Variants in PGAP1 observed in about 807,000 individuals in gnomAD.
The protein encoded by PGAP1 is GPI inositol-deacylase.
PGAP1 carries 76 observed loss-of-function variants against 127.0 expected under a neutral mutation model. The observed-to-expected ratio is 0.60, with a 90% CI of 0.50 to 0.72. The LOEUF is 0.72. PGAP1 is among the 30% of genes least tolerant of loss of function. The pLI is 0.00. For missense variants in PGAP1, 982 were observed against 1,071.3 expected, an observed-to-expected ratio of 0.92 and a Z score of 1.16; for synonymous variants, 362 against 366.5, an observed-to-expected ratio of 0.99 and a Z score of 0.14.
chr2:196,926,620 G>A lies in PGAP1; in HGVS notation c.-4C>T, dbSNP rs1703371437. On this transcript the variant is annotated 5_prime_UTR_variant, in exon 1 of 27. Transcript: ENST00000354764. ...GATTAACTGAGTGAAGAAACATGGT[G>A]CCGCCACCACCGCCGCCGCCGCCGC... The A allele has an allele frequency of 6.2e-7, 1 of 1,613,746 alleles. No individual in the cohort carries two copies. The highest frequency in any genetic ancestry group is 1.3e-5 in the African/African-American group (1 of 74,932).
At position 196,913,031 on chromosome 2, in the gene PGAP1, C is replaced by G; in HGVS notation, c.500G>C (p.Ser167Thr). The G allele has an allele frequency of 6.2e-7, 1 of 1,608,930 alleles. No individual in the cohort carries two copies. Among genetic ancestry groups the G allele is most frequent in the Non-Finnish European group, 8.5e-7 (1 of 1,177,820 alleles). The stretch of plus-strand genomic sequence containing the variant: ...CATAGAATGACCAATTATTGCCACA[C>G]TTTTTGGAGCAAATTCTTGACCCTA... ...LYKGQEFAPK[S>T]VAIIGHSMGG... The change falls in exon 4 of 27, where the codon AGT (serine) becomes ACT (threonine). Residue 167 changes from serine to threonine, a missense_variant. Transcript: ENST00000354764.
At chr2:196,896,826 C>CT (rs1449422304) in intron 7 of PGAP1, among the ~76,000 whole-genome samples, 5 of 79,898 alleles carry the variant, frequency 6.3e-5, no homozygotes, top group African/African-American at 2.5e-4. Flanking sequence ...GAGACTCCAT[C>CT]TTAAAAAAAA....
At chr2:196,886,438 G>C (rs956477994) in intron 10 of PGAP1, among the ~76,000 whole-genome samples, 1 of 151,842 alleles carries the variant, frequency 6.6e-6, no homozygotes, top group Admixed American at 6.6e-5. Context: ...TGGGATTATA[G>C]GTGTGAGCCA....
chr2:196,926,444 C>G lies in PGAP1; in HGVS notation c.147+26G>C. ...CCAGGGGCCAGAGTCTTGGAGCGCC[C>G]GGCTGAGGAGAGGGCAGAACCTTAC... On this transcript the variant is annotated intron_variant, in intron 1 of 26. Coordinates refer to ENST00000354764, the MANE Select transcript of PGAP1 (RefSeq NM_024989.4). 1.9e-6 allele frequency: 3 copies of G among 1,613,358 alleles called. No individual in the cohort carries two copies. The South Asian group carries it at 3.3e-5, about 18-fold the overall frequency.
At chr2:196,919,958 A>C in intron 2 of PGAP1, 39 bp downstream of exon 2, 1 of 1,576,994 alleles carries the variant, frequency 6.3e-7, no homozygotes, top group South Asian at 1.2e-5. Flanking sequence ...CTTGAGTTGA[A>C]TTTTATAGCT....
At chr2:196,899,860 C>G (rs1046808518) in intron 5 of PGAP1, among the ~76,000 whole-genome samples, 1 of 152,092 alleles carries the variant, frequency 6.6e-6, no homozygotes, top group Non-Finnish European at 1.5e-5. Context: ...ATGGTGAAAC[C>G]GCATCTCTAC....
At chr2:196,863,836 C>A (rs896012709) in intron 20 of PGAP1, among the ~76,000 whole-genome samples, 1 of 152,004 alleles carries the variant, frequency 6.6e-6, no homozygotes, top group Admixed American at 6.5e-5. Flanking sequence ...GCCTCGGCCT[C>A]CCAAAGTGCT....
In PGAP1 at chr2:196,834,010, AATT is replaced by A. The variant is rs1303447254; in HGVS notation, c.*7221_*7223del. 3.3e-5 allele frequency: 5 copies of A among 152,060 alleles called. No homozygotes were observed. Among genetic ancestry groups the A allele is most frequent in the Non-Finnish European group, 7.4e-5 (5 of 67,932 alleles). The allele number at this position is 152,060 out of a possible 1,614,324, so 9.4% of individuals were successfully genotyped here. A position where few individuals can be genotyped will look rare whatever the true frequency, so the allele number is the denominator to read the frequency against. The stretch of plus-strand genomic sequence containing the variant: ...AATGAGTTTATTAATTATTAAAAAT[AATT>A]ATTGTGTAAATTAACCTTATTTGAT... On this transcript the variant is annotated 3_prime_UTR_variant, in exon 27 of 27. Coordinates refer to ENST00000354764, the MANE Select transcript of PGAP1 (RefSeq NM_024989.4).
intron 4 of PGAP1, among the ~76,000 whole-genome samples, chr2:196,911,848 TC>T (rs1315736331): frequency 2.0e-5 from 3 of 152,310 alleles, no homozygotes; most frequent in Non-Finnish European, 4.4e-5. Flanking sequence ...AATCACAAAC[TC>T]CTACTTTTCA....
chr2:196,842,760 G>A lies in PGAP1; in HGVS notation c.2591C>T (p.Ala864Val), dbSNP rs749798369. 1.9e-6 allele frequency: 3 copies of A among 1,583,768 alleles called. No homozygotes were observed. Among genetic ancestry groups the A allele is most frequent in the Non-Finnish European group, 2.6e-6 (3 of 1,160,518 alleles). The change falls in exon 26 of 27, where the codon GCA becomes GTA. Residue 864 changes from alanine (A) to valine (V), a missense_variant. By Grantham distance (64) the Ala-to-Val change is moderately conservative. Coordinates refer to ENST00000354764, the MANE Select transcript of PGAP1 (RefSeq NM_024989.4). ...PLAFILIPTM[A>V]ILGNTYTVSI... Reference sequence around the variant, plus strand: ...AACAGTGTAAGTATTTCCAAGAATTGCCATAGTCGGAATAAGGATAAATGC... The same window carrying A: ...AACAGTGTAAGTATTTCCAAGAATTACCATAGTCGGAATAAGGATAAATGC...
At position 196,912,868 on chromosome 2, in the gene PGAP1, G is replaced by T. The variant is rs748521544; in HGVS notation, c.649+14C>A. 6.4e-7 allele frequency: 1 copy of T among 1,574,430 alleles called. No homozygotes were observed. The highest frequency in any genetic ancestry group is 1.2e-5 in the South Asian group (1 of 84,752). ...TAACAATGGGGAGGTTAATGTTCATGTAACAGTACTCACCTGTAATGAAAC... is the reference window on the plus strand; with the variant it reads ...TAACAATGGGGAGGTTAATGTTCATTTAACAGTACTCACCTGTAATGAAAC... On this transcript the variant is annotated intron_variant, in intron 4 of 26. Coordinates refer to ENST00000354764, the MANE Select transcript of PGAP1 (RefSeq NM_024989.4).
At chr2:196,895,029 T>C (rs1702228579) in intron 7 of PGAP1, among the ~76,000 whole-genome samples, 1 of 152,196 alleles carries the variant, frequency 6.6e-6, no homozygotes, top group South Asian at 2.1e-4. Flanking sequence ...CTGGACTATA[T>C]GCTTCCTGAG....
At chr2:196,862,773 C>G (rs998209840) in intron 20 of PGAP1, among the ~76,000 whole-genome samples, 1 of 152,172 alleles carries the variant, frequency 6.6e-6, no homozygotes, top group South Asian at 2.1e-4. Flanking sequence ...ACAAAATTAG[C>G]TGGGCATGGT....
intron 4 of PGAP1, among the ~76,000 whole-genome samples, chr2:196,912,037 A>G: frequency 6.6e-6 from 1 of 152,168 alleles, no homozygotes; most frequent in Non-Finnish European, 1.5e-5. Context: ...CAAGAACGTT[A>G]TCTTGGCCTT....
chr2:196,925,252 A>C (rs561632102), intron 1 of PGAP1, among the ~76,000 whole-genome samples: 1 of 152,336 alleles, frequency 6.6e-6, no homozygotes, highest in Admixed American at 6.5e-5. Context: ...TCAGCAATTT[A>C]AACCTTAAGT....
At chr2:196,897,792 GT>G (rs1702336879) in intron 6 of PGAP1, among the ~76,000 whole-genome samples, 1 of 152,144 alleles carries the variant, frequency 6.6e-6, no homozygotes, top group Non-Finnish European at 1.5e-5. Context: ...ATGCTATTGG[GT>G]TTTTGGGAGA....
chr2:196,892,999 T>G, intron 8 of PGAP1, 141 bp downstream of exon 8: 1 of 317,402 alleles, frequency 3.2e-6, no homozygotes, highest in Non-Finnish European at 5.6e-6. Context: ...ATAGGGAAAT[T>G]AATAATATAT....
chr2:196,862,218 C>T (rs576587130), intron 20 of PGAP1, among the ~76,000 whole-genome samples: 3 of 152,112 alleles, frequency 2.0e-5, no homozygotes, highest in South Asian at 2.1e-4. Context: ...GGTCTATAGA[C>T]GGGCTCCCTG....
At position 196,892,362 on chromosome 2, in the gene PGAP1, G is replaced by A; in HGVS notation, c.1073C>T (p.Thr358Ile). 6.8e-7 allele frequency: 1 copy of A among 1,476,482 alleles called. No individual in the cohort carries two copies. The highest frequency in any genetic ancestry group is 9.3e-7 in the Non-Finnish European group (1 of 1,077,718). 91.5% of individuals were successfully genotyped at this position (1,476,482 alleles called of 1,614,324 possible). A position where few individuals can be genotyped will look rare whatever the true frequency, so the allele number is the denominator to read the frequency against. The change falls in exon 9 of 27, where the codon ACC becomes ATC. Residue 358 changes from threonine (T) to isoleucine (I), a missense_variant. Thr to Ile is a moderately conservative substitution (Grantham distance 89). Coordinates refer to ENST00000354764, the MANE Select transcript of PGAP1 (RefSeq NM_024989.4). ...MWVLVKVSKWTYVAYNESEKI... is the reference protein window; with the variant it reads ...MWVLVKVSKWIYVAYNESEKI... ...AATACTTACGTTGTAAGCTACATAG[G>A]TCCATTTGGACACTTTTACTAGAAC...
Sources: allele counts gnomAD v4.1 joint callset (sites outside exome capture counted in the v4.1 genomes callset), GRCh38; gene constraint gnomAD v4.1.1; transcripts MANE v1.5; gene names NCBI Gene and HGNC (gene_info 2026-07-23, HGNC 2026-07-21).